Variants in ASPHD1 observed in about 807,000 individuals in gnomAD.
ASPHD1 encodes the protein aspartate beta-hydroxylase domain-containing protein 1.
In ASPHD1, 20 loss-of-function variants were observed where a neutral mutation model predicts 28.3. The ratio of observed to expected loss-of-function variants is 0.71; its 90% CI spans 0.50 to 1.03. The LOEUF (loss-of-function observed/expected upper bound fraction) is 1.03. Ranked by LOEUF, ASPHD1 falls within the 50% of genes least tolerant of loss-of-function variation. The pLI, the probability that ASPHD1 is intolerant of heterozygous loss-of-function variation, is 0.00. For synonymous variants in ASPHD1, 240 were observed against 221.2 expected (o/e 1.08, Z -0.75); for missense variants, 479 against 524.1 (o/e 0.91, Z 0.84).
Position 29,905,994 on chromosome 16 carries a change from C to A in ASPHD1, c.*97C>A. 2.7e-6 allele frequency: 1 copy of A among 372,870 alleles called. No individual in the cohort carries two copies. 23.1% of individuals were successfully genotyped at this position (372,870 alleles called of 1,614,324 possible). A position where few individuals can be genotyped will look rare whatever the true frequency, so the allele number is the denominator to read the frequency against. On this transcript the variant is annotated 3_prime_UTR_variant, in exon 3 of 3. Coordinates refer to ENST00000308748, the MANE Select transcript of ASPHD1 (RefSeq NM_181718.4). ...ACCTCCTCTCTACTGCGGGGGTGGG[C>A]GGGGGCGGAGGATGGGAACTGGCTA... is the stretch of plus-strand genomic sequence containing the variant.
intron 1 of ASPHD1, among the ~76,000 whole-genome samples, chr16:29,902,201 A>C (rs1183020345): frequency 6.6e-6 from 1 of 152,220 alleles, no homozygotes; most frequent in African/African-American, 2.4e-5. Context: ...TAGCACTATC[A>C]GTATTACTTG....
intron 3 of ASPHD1, among the ~76,000 whole-genome samples, chr16:29,917,878 G>A (rs963915139): frequency 4.6e-5 from 7 of 152,154 alleles, no homozygotes; most frequent in Admixed American, 3.9e-4. Flanking sequence ...AACCTGGGAG[G>A]TGGAGGTTGC....
At chr16:29,910,320 C>T (rs577146962), downstream of ASPHD1, among the ~76,000 whole-genome samples, 1 of 152,002 alleles carries the variant, frequency 6.6e-6, no homozygotes, top group Admixed American at 6.6e-5. Context: ...ATCGCTTGAA[C>T]CTGGGAGGTA....
chr16:29,905,652 AAG>A, intron 2 of ASPHD1, 134 bp from the exon 3 acceptor site: 8 of 444,280 alleles, frequency 1.8e-5, no homozygotes, highest in South Asian at 8.6e-5. Context: ...AAAAAAAAAA[AAG>A]ATTTGATACA....
Position 29,906,005 on chromosome 16 carries a change from G to GGGGGGTGT in ASPHD1, c.*108_*109insGGGGGTGT. ...ACTGCGGGGGTGGGCGGGGGCGGAG[G>GGGGGGTGT]ATGGGAACTGGCTAGTGAGCACTGA... On this transcript the variant is annotated 3_prime_UTR_variant, in exon 3 of 3. Transcript: ENST00000308748. The GGGGGGTGT allele has an allele frequency of 6.4e-6, 3 of 465,152 alleles. No individual in the cohort carries two copies. The highest frequency in any genetic ancestry group is 4.9e-5 in the East Asian group (1 of 20,478). 28.8% of individuals were successfully genotyped at this position (465,152 alleles called of 1,614,324 possible).
intron 3 of ASPHD1, among the ~76,000 whole-genome samples, chr16:29,912,883 GT>G (rs1424699952): frequency 1.3e-5 from 2 of 152,194 alleles, no homozygotes; most frequent in Non-Finnish European, 2.9e-5. Context: ...GAACATATTT[GT>G]TGAGTGAATG....
intron 3 of ASPHD1, chr16:29,911,218 T>G (rs779648668): frequency 4.1e-6 from 6 of 1,476,436 alleles, no homozygotes; most frequent in Non-Finnish European, 5.6e-6. Flanking sequence ...TTGGCACCCC[T>G]CCCTCTGTAC....
chr16:29,907,059 A>T (rs1489340366), downstream of ASPHD1: 1 of 1,613,442 alleles, frequency 6.2e-7, no homozygotes, highest in Non-Finnish European at 8.5e-7. Flanking sequence ...AGTCTCGTAG[A>T]TGAGGATGTT....
chr16:29,900,857 A>G lies in ASPHD1; in HGVS notation c.-115A>G. ...GGGAGAGAGAAGCAGAGCGAGAGAG[A>G]GGAGGCTGCTGGAAGGAGAAAGAAG... On this transcript the variant is annotated 5_prime_UTR_variant, in exon 1 of 3. Coordinates refer to ENST00000308748, the MANE Select transcript of ASPHD1 (RefSeq NM_181718.4). 1 of 892,270 alleles carries G rather than the reference A, an allele frequency of 1.1e-6. No individual in the cohort carries two copies. The highest frequency in any genetic ancestry group is 2.5e-5 in the Admixed American group (1 of 39,844). The allele number at this position is 892,270 out of a possible 1,614,324, so 55.3% of individuals were successfully genotyped here.
chr16:29,911,626 G>A (rs781192211), intron 3 of ASPHD1: 12 of 618,948 alleles, frequency 1.9e-5, no homozygotes, highest in Admixed American at 5.6e-5. Flanking sequence ...ATTTACTGAT[G>A]ACTGAGCTGA....
Position 29,900,596 on chromosome 16 carries a change from G to GGA in ASPHD1, c.-370_-369dup. On this transcript the variant is annotated 5_prime_UTR_variant, in exon 1 of 3. Transcript: ENST00000308748. The stretch of plus-strand genomic sequence containing the variant: ...GTGGGAGCCCAGGAAGGAGCGAGTA[G>GGA]GAGAGAGGGAGCGAGAGCCAGGCAG... 3.4e-6 allele frequency: 1 copy of GGA among 293,534 alleles called. No homozygotes were observed. Among genetic ancestry groups the GGA allele is most frequent in the Non-Finnish European group, 6.4e-6 (1 of 156,048 alleles). The allele number at this position is 293,534 out of a possible 1,614,324, so 18.2% of individuals were successfully genotyped here.
At chr16:29,914,299 T>G (rs1375559963) in intron 3 of ASPHD1, 1 of 151,896 alleles carries the variant, frequency 6.6e-6, no homozygotes, top group Non-Finnish European at 1.5e-5. Flanking sequence ...CCAAATATAC[T>G]CACCACCTTC....
downstream of ASPHD1, among the ~76,000 whole-genome samples, chr16:29,910,307 A>G (rs187882420): frequency 1.4e-4 from 22 of 152,186 alleles, no homozygotes; most frequent in African/African-American, 4.8e-4. Flanking sequence ...CTGAGGCAGA[A>G]GAATCGCTTG....
chr16:29,904,989 G>T lies in ASPHD1; in HGVS notation c.1063+24G>T, dbSNP rs769915363. On this transcript the variant is annotated intron_variant, in intron 2 of 2. Coordinates refer to ENST00000308748, the MANE Select transcript of ASPHD1 (RefSeq NM_181718.4). ...TGGTAACGGGGTGCCCATTCTGCAG[G>T]GGGGATGAGGGACTCAGGAGCAAAG... 7.1e-6 allele frequency: 11 copies of T among 1,556,786 alleles called. No homozygotes were observed. The East Asian group carries it at 2.3e-4, about 32-fold the overall frequency.
chr16:29,912,415 T>G (rs531710530), intron 3 of ASPHD1: 2 of 346,160 alleles, frequency 5.8e-6, no homozygotes, highest in South Asian at 7.3e-5. Context: ...AACAGCCTCC[T>G]CTACATCCTG....
At chr16:29,912,352 G>A (rs564221520) in intron 3 of ASPHD1, 30 of 480,602 alleles carry the variant, frequency 6.2e-5, no homozygotes, top group Admixed American at 4.1e-4. Flanking sequence ...CATTCAGATC[G>A]CAGGTCACAC....
chr16:29,905,629 GAAA>G (rs770029376), intron 2 of ASPHD1, among the ~76,000 whole-genome samples, 156 bp from the exon 3 acceptor site: 1 of 49,764 alleles, frequency 2.0e-5, no homozygotes, highest in African/African-American at 7.5e-5. Flanking sequence ...TCCATCTCAG[GAAA>G]AAAAAAAAAA....
chr16:29,905,828 C>T lies in ASPHD1; in HGVS notation c.1104C>T (p.Asp368=), dbSNP rs1225961962. 6.2e-7 allele frequency: 1 copy of T among 1,613,804 alleles called. No homozygotes were observed. Among genetic ancestry groups the T allele is most frequent in the African/African-American group, 1.3e-5 (1 of 74,974 alleles). Residue 368 remains aspartate (D), a synonymous_variant, in exon 3 of 3, where the codon GAC becomes GAT. Transcript: ENST00000308748. ...GGCCTCGAGTGGTCTTCATCGTGGA[C>T]CTCTGGCACCCCAACGTGGCAGGGG... The part of the protein sequence containing the change: ...EDGPRVVFIV[D]LWHPNVAGAE...
chr16:29,900,938 G>A lies in ASPHD1; in HGVS notation c.-34G>A. The A allele has an allele frequency of 6.5e-7, 1 of 1,535,950 alleles. No individual in the cohort carries two copies. Among genetic ancestry groups the A allele is most frequent in the Non-Finnish European group, 8.8e-7 (1 of 1,134,174 alleles). On this transcript the variant is annotated 5_prime_UTR_variant, in exon 1 of 3. Transcript: ENST00000308748. Reference sequence around the variant, plus strand: ...AAGAAGAGGTAGAAGGAGAGAGAAAGGGGAGAGAAAGGAGAGAGGAGGGTT... The same window carrying A: ...AAGAAGAGGTAGAAGGAGAGAGAAAAGGGAGAGAAAGGAGAGAGGAGGGTT...
Sources: gnomAD v4.1 joint callset for allele counts (sites outside exome capture counted in the v4.1 genomes callset) on GRCh38, gnomAD v4.1.1 for gene constraint, MANE v1.5 for transcripts, NCBI Gene and HGNC (gene_info 2026-07-23, HGNC 2026-07-21) for gene names.